The following PHF8 variants were observed in gnomAD, a reference collection of about 807,000 sequenced individuals.
PHF8 encodes the protein histone lysine demethylase PHF8.
In PHF8, 9 loss-of-function variants were observed where a neutral mutation model predicts 74.4. That is an observed-to-expected ratio of 0.12 (90% CI 0.07 to 0.21). PHF8 has a LOEUF of 0.21. Among genes scored for constraint, PHF8 ranks in the 10% least tolerant of loss-of-function variants. The probability of loss-of-function intolerance (pLI) is 1.00; values close to 1 mark genes in which losing one functional copy is unlikely to be tolerated. For missense variants in PHF8, 478 were observed against 816.6 expected (o/e 0.59, Z 5.05); for synonymous variants, 311 against 316.6 (o/e 0.98, Z 0.19).
At position 53,993,763 on chromosome X, in the gene PHF8, A is replaced by G. The variant is rs370521370; in HGVS notation, c.1464T>C (p.Asn488=). The G allele has an allele frequency of 8.3e-6, 10 of 1,210,173 alleles. No homozygotes were observed. The highest frequency in any genetic ancestry group is 1.1e-5 in the Non-Finnish European group (10 of 894,955). The change falls in exon 13 of 22, where the codon AAT becomes AAC. Residue 488 remains asparagine (N), a synonymous_variant. Coordinates refer to ENST00000338154, the MANE Select transcript of PHF8 (RefSeq NM_015107.3). ...GCTTCAGGCCTTTCTTCTTTGAACCATTTTTGGAGGGCAGTGACAGCCTGG... is the reference window on the plus strand; with the variant it reads ...GCTTCAGGCCTTTCTTCTTTGAACCGTTTTTGGAGGGCAGTGACAGCCTGG... ...SMSRLSLPSK[N]GSKKKGLKPK...
intron 6 of PHF8, among the ~76,000 whole-genome samples, chrX:54,015,089 G>A (rs1484883469): frequency 6.3e-5 from 7 of 111,418 alleles, no homozygotes; most frequent in Admixed American, 2.9e-4. Context: ...TCCACCAACC[G>A]GGAAATGTGC....
intron 2 of PHF8, among the ~76,000 whole-genome samples, chrX:54,028,247 G>A (rs1384573290): frequency 1.8e-5 from 2 of 111,325 alleles, no homozygotes; most frequent in Non-Finnish European, 3.8e-5. Context: ...GTGTTCTAGA[G>A]TAGAGAGGTA....
At chrX:54,006,784 A>G (rs1557105442) in intron 8 of PHF8, among the ~76,000 whole-genome samples, 1 of 109,573 alleles carries the variant, frequency 9.1e-6, no homozygotes, top group Non-Finnish European at 1.9e-5. Flanking sequence ...GCAAATACGA[A>G]AAAATTAGCC....
chrX:53,979,684 A>ATTAATG (rs2065448808), intron 18 of PHF8, among the ~76,000 whole-genome samples: 2 of 112,416 alleles, frequency 1.8e-5, no homozygotes, highest in Non-Finnish European at 3.8e-5. Flanking sequence ...GTATTAACAA[A>ATTAATG]TTAACATAGA....
chrX:53,993,884 A>G lies in PHF8; in HGVS notation c.1343T>C (p.Val448Ala), dbSNP rs1064796692. Residue 448 changes from valine (V) to alanine (A), a missense_variant, in exon 13 of 22, where the codon GTT (valine) becomes GCT (alanine). Val to Ala is a moderately conservative substitution (Grantham distance 64). Around this residue, in one of 9 missense-constraint regions of PHF8, gnomAD observed 153 missense variants for 164.8 expected, o/e 0.93. Transcript: ENST00000338154. ...RLVEDIFQQN[V>A]GKTSNIFGLQ... Reference sequence around the variant, plus strand: ...CCCAAAGATATTGCTCGTCTTCCCAACGTTCTGTTGGAAGATGTCCTACAA... The same window carrying G: ...CCCAAAGATATTGCTCGTCTTCCCAGCGTTCTGTTGGAAGATGTCCTACAA... The G allele has an allele frequency of 8.3e-7, 1 of 1,204,236 alleles. No individual in the cohort carries two copies. Among genetic ancestry groups the G allele is most frequent in the Admixed American group, 2.2e-5 (1 of 45,873 alleles).
At chrX:53,980,822 A>G (rs1603311090) in intron 18 of PHF8, among the ~76,000 whole-genome samples, 2 of 112,922 alleles carry the variant, frequency 1.8e-5, no homozygotes, top group Middle Eastern at 9.2e-3. Context: ...AAACCAAAGA[A>G]GAGATACATA....
chrX:53,945,214 G>A (rs1025305745), intron 19 of PHF8, among the ~76,000 whole-genome samples: 3 of 108,929 alleles, frequency 2.8e-5, no homozygotes, highest in Admixed American at 9.9e-5. Context: ...GCATGGTGGC[G>A]GGTGCCTGTA....
chrX:53,974,416 T>C (rs2065342907), intron 18 of PHF8, among the ~76,000 whole-genome samples: 1 of 111,889 alleles, frequency 8.9e-6, no homozygotes, highest in Non-Finnish European at 1.9e-5. Flanking sequence ...CAACAGATGC[T>C]GGTGAGGTTG....
chrX:53,937,891 G>A lies in PHF8; in HGVS notation c.*1267C>T, dbSNP rs782726596. 34 of 750,470 alleles carry A rather than the reference G, an allele frequency of 4.5e-5. No individual in the cohort carries two copies. The highest frequency in any genetic ancestry group is 4.4e-4 in the South Asian group (18 of 40,958). 61.8% of individuals were successfully genotyped at this position (750,470 alleles called of 1,213,427 possible). A position where few individuals can be genotyped will look rare whatever the true frequency, so the allele number is the denominator to read the frequency against. ...GTCCAGATTGCCAGTGAGGCAAGGC[G>A]GTGGGAGGTGGGGGCACTGTCTGGA... is the stretch of plus-strand genomic sequence containing the variant. On this transcript the variant is annotated 3_prime_UTR_variant, in exon 22 of 22. Coordinates refer to ENST00000338154, the MANE Select transcript of PHF8 (RefSeq NM_015107.3).
intron 7 of PHF8, among the ~76,000 whole-genome samples, chrX:54,012,081 A>C (rs1876509258): frequency 9.0e-6 from 1 of 111,306 alleles, no homozygotes; most frequent in African/African-American, 3.3e-5. Flanking sequence ...TATACAAATT[A>C]TTTAAGACTT....
At chrX:54,019,530 C>T (rs1417266264) in intron 4 of PHF8, among the ~76,000 whole-genome samples, 2 of 99,473 alleles carry the variant, frequency 2.0e-5, no homozygotes, top group African/African-American at 3.7e-5. Context: ...GTGGCTCACA[C>T]CTGTAATCCC....
At chrX:53,958,550 G>C (rs1374967423) in intron 19 of PHF8, among the ~76,000 whole-genome samples, 1 of 104,233 alleles carries the variant, frequency 9.6e-6, no homozygotes, top group Non-Finnish European at 2.0e-5. Flanking sequence ...GGGAGGCCGA[G>C]GCGGGCGGAT....
chrX:54,038,307 G>A (rs1007643757), intron 2 of PHF8, among the ~76,000 whole-genome samples: 2 of 112,270 alleles, frequency 1.8e-5, no homozygotes, highest in Admixed American at 1.9e-4. Context: ...TAAAAAGAAT[G>A]TTCATTCCAA....
At chrX:53,963,024 T>C in intron 18 of PHF8, 85 bp from the exon 19 acceptor site, 1 of 595,159 alleles carries the variant, frequency 1.7e-6, no homozygotes, top group Non-Finnish European at 3.0e-6. Flanking sequence ...CTCCTGCCCT[T>C]CCCCTACAAA....
Position 53,936,778 on chromosome X carries a change from AAAC to A in PHF8, c.*2377_*2379del, listed in dbSNP as rs1314463967. 8.9e-6 allele frequency: 1 copy of A among 112,042 alleles called. No homozygotes were observed. Among genetic ancestry groups the A allele is most frequent in the Non-Finnish European group, 1.9e-5 (1 of 53,155 alleles). 9.2% of individuals were successfully genotyped at this position (112,042 alleles called of 1,213,427 possible). A position where few individuals can be genotyped will look rare whatever the true frequency, so the allele number is the denominator to read the frequency against. On this transcript the variant is annotated 3_prime_UTR_variant, in exon 22 of 22. Coordinates refer to ENST00000338154, the MANE Select transcript of PHF8 (RefSeq NM_015107.3). Reference sequence around the variant, plus strand: ...CAACATAAGAAAAAGACAGGGACAAAAACAACAGAGAAGTCTGAATGATGCTAC... The same window carrying A: ...CAACATAAGAAAAAGACAGGGACAAAAACAGAGAAGTCTGAATGATGCTAC...
In PHF8 at chrX:53,953,713, G is replaced by A. The variant is rs782807072; in HGVS notation, c.2539+9131C>T. 4.6e-5 allele frequency among the ~76,000 whole-genome samples: 5 copies of A among 109,651 alleles called. No homozygotes were observed. The East Asian group carries it at 1.4e-3, about 31-fold the overall frequency. On this transcript the variant is annotated intron_variant, in intron 19 of 21. Transcript: ENST00000338154. ...ACATAAAAGAAGGCAGTAACTAATG[G>A]AGGAATTGAGGAACAAAAAATAAGA...
intron 19 of PHF8, among the ~76,000 whole-genome samples, chrX:53,947,472 TA>T (rs1557085503): frequency 8.9e-6 from 1 of 112,727 alleles, no homozygotes; most frequent in Non-Finnish European, 1.9e-5. Context: ...ATTCTTTCTT[TA>T]AAGGTAACAT....
chrX:53,980,951 G>C (rs1353193738), intron 18 of PHF8, among the ~76,000 whole-genome samples: 10 of 112,780 alleles, frequency 8.9e-5, no homozygotes, highest in African/African-American at 2.9e-4. Flanking sequence ...GGTGGCTCGC[G>C]CCTGTAATCC....
intron 8 of PHF8, among the ~76,000 whole-genome samples, chrX:54,009,306 T>C (rs1179210403): frequency 9.0e-6 from 1 of 111,714 alleles, no homozygotes; most frequent in African/African-American, 3.3e-5. Flanking sequence ...ATTTAAGATG[T>C]ATCTCAATTT....
Sources: allele counts gnomAD v4.1 joint callset (sites outside exome capture counted in the v4.1 genomes callset), GRCh38; gene constraint gnomAD v4.1.1; regional missense constraint gnomAD v4.1.1; transcripts MANE v1.5; gene names NCBI Gene and HGNC (gene_info 2026-07-23, HGNC 2026-07-21).